Variants in IKBIP observed in about 807,000 individuals in gnomAD.
IKBIP encodes the protein inhibitor of nuclear factor kappa-B kinase-interacting protein.
IKBIP carries 28 observed loss-of-function variants against 31.0 expected under a neutral mutation model. The observed-to-expected ratio is 0.90, with a 90% CI of 0.67 to 1.24. The LOEUF is 1.24. IKBIP is among the 50% of genes most tolerant of loss of function. IKBIP has a pLI of 0.00. For missense variants in IKBIP, 453 were observed against 441.9 expected (o/e 1.03, Z -0.23); for synonymous variants, 164 against 160.3 (o/e 1.02, Z -0.17).
chr12:98,639,269 T>A (rs2097628447), intron 1 of IKBIP, among the ~76,000 whole-genome samples: 1 of 152,224 alleles, frequency 6.6e-6, no homozygotes, highest in Non-Finnish European at 1.5e-5. Context: ...TATGATTGCA[T>A]AAGGGAAGCA....
chr12:98,614,028 C>T, exon 3 of IKBIP: 1 of 1,609,690 alleles, frequency 6.2e-7, no homozygotes, highest in African/African-American at 1.3e-5. Context: ...TCTACTTTCT[C>T]TATTTTATTT....
At chr12:98,617,789 T>C (rs926412465) in intron 2 of IKBIP, among the ~76,000 whole-genome samples, 2 of 152,202 alleles carry the variant, frequency 1.3e-5, no homozygotes, top group African/African-American at 4.8e-5. Flanking sequence ...CAAAGACAGA[T>C]ATACAGTAAT....
At chr12:98,614,030 A>G in exon 3 of IKBIP, 1 of 1,610,030 alleles carries the variant, frequency 6.2e-7, no homozygotes, top group Non-Finnish European at 8.5e-7. Context: ...TACTTTCTCT[A>G]TTTTATTTTC....
chr12:98,614,169 C>A (rs1158957795), exon 3 of IKBIP: 3 of 1,613,770 alleles, frequency 1.9e-6, no homozygotes, highest in African/African-American at 2.7e-5. Context: ...CTTTGGTCTA[C>A]TTTTGTAATG....
At chr12:98,627,929 A>C (rs1459989483) in intron 2 of IKBIP, among the ~76,000 whole-genome samples, 1 of 152,218 alleles carries the variant, frequency 6.6e-6, no homozygotes, top group Non-Finnish European at 1.5e-5. Context: ...AAAACAGTTT[A>C]GTGAGACAAG....
Position 98,624,454 on chromosome 12 carries a change from G to T in IKBIP, c.*1476C>A, listed in dbSNP as rs143550177. 115 of 984,068 alleles carry T rather than the reference G, an allele frequency of 1.2e-4. No individual in the cohort carries two copies. The African/African-American group carries it at 1.8e-3, about 16-fold the overall frequency. 61.0% of individuals were successfully genotyped at this position (984,068 alleles called of 1,614,324 possible). A position where few individuals can be genotyped will look rare whatever the true frequency, so the allele number is the denominator to read the frequency against. On this transcript the variant is annotated 3_prime_UTR_variant, in exon 3 of 3. Transcript: ENST00000299157. ...CACAGGCCCTCCTAACTCCAGTGGA[G>T]AAGGAGTTTGGGGGTTCTCCAAAAA...
intron 1 of IKBIP, 115 bp from the exon 2 acceptor site, chr12:98,634,528 C>T: frequency 4.0e-6 from 2 of 504,894 alleles, no homozygotes; most frequent in East Asian, 3.7e-5. Context: ...GTATGGGTAG[C>T]TGTAGGTTTT....
rs2097613638 is a variant in IKBIP, at chr12:98,625,791, T to C, written c.*139A>G. On this transcript the variant is annotated 3_prime_UTR_variant, in exon 3 of 3. Transcript: ENST00000299157. ...CTTAAAAAGATAAGCTTTGATTATG[T>C]GGATAATCCATTTGTGTGGACATCT... The C allele has an allele frequency of 1.7e-6, 1 of 588,050 alleles. No individual in the cohort carries two copies. Among genetic ancestry groups the C allele is most frequent in the South Asian group, 7.6e-5 (1 of 13,138 alleles). 36.4% of individuals were successfully genotyped at this position (588,050 alleles called of 1,614,324 possible).
intron 2 of IKBIP, among the ~76,000 whole-genome samples, chr12:98,633,414 A>G (rs1436742581): frequency 6.6e-6 from 1 of 151,998 alleles, no homozygotes; most frequent in Admixed American, 6.6e-5. Context: ...AAGGAACACA[A>G]TATAGACATG....
At chr12:98,634,479 G>A in intron 1 of IKBIP, 66 bp from the exon 2 acceptor site, 1 of 704,454 alleles carries the variant, frequency 1.4e-6, no homozygotes, top group Non-Finnish European at 2.5e-6. Flanking sequence ...TTTCAAAGGA[G>A]AATTATACCC....
intron 2 of IKBIP, among the ~76,000 whole-genome samples, chr12:98,615,518 T>C (rs886246216): frequency 6.6e-6 from 1 of 152,166 alleles, no homozygotes; most frequent in Non-Finnish European, 1.5e-5. Flanking sequence ...GCATGAGCCA[T>C]CGCGCCCGGC....
At chr12:98,633,510 CTTT>C (rs71432181) in intron 2 of IKBIP, among the ~76,000 whole-genome samples, 24 of 61,384 alleles carry the variant, frequency 3.9e-4, no homozygotes, top group Admixed American at 5.2e-4. Context: ...TTTTTTAATT[CTTT>C]TTTTTTTTTT....
In IKBIP at chr12:98,626,240, G is replaced by A; in HGVS notation, c.824C>T (p.Thr275Ile). The A allele has an allele frequency of 1.9e-5, 30 of 1,614,108 alleles. No homozygotes were observed. The highest frequency in any genetic ancestry group is 2.5e-5 in the Non-Finnish European group (29 of 1,180,012). Residue 275 changes from threonine to isoleucine, a missense_variant, in exon 3 of 3, where the codon ACA (threonine) becomes ATA (isoleucine). Coordinates refer to ENST00000299157, the MANE Select transcript of IKBIP (RefSeq NM_153687.4). ...AACAGAGTGAATAGCACTTTCAATT[G>A]TTGGCAAATGTGTCTTGCATTCTTC... ...KVEECKTHLP[T>I]IESAIHSVLR...
At chr12:98,640,975 C>T (rs2097629873) in intron 1 of IKBIP, among the ~76,000 whole-genome samples, 1 of 152,168 alleles carries the variant, frequency 6.6e-6, no homozygotes, top group Non-Finnish European at 1.5e-5. Context: ...GTTGCCCAGG[C>T]TGGTCTTGAA....
chr12:98,635,608 T>G (rs1453801440), intron 1 of IKBIP, among the ~76,000 whole-genome samples: 2 of 152,246 alleles, frequency 1.3e-5, no homozygotes, highest in Non-Finnish European at 2.9e-5. Context: ...TCTACTGTTT[T>G]TCACAAGGCC....
intron 2 of IKBIP, among the ~76,000 whole-genome samples, chr12:98,617,158 A>G (rs1468584328): frequency 6.6e-6 from 1 of 152,268 alleles, no homozygotes; most frequent in Non-Finnish European, 1.5e-5. Context: ...TATGTGGAAC[A>G]TAAAGATGAG....
chr12:98,642,891 C>T (rs559397673), intron 1 of IKBIP, among the ~76,000 whole-genome samples: 7 of 151,676 alleles, frequency 4.6e-5, no homozygotes, highest in South Asian at 2.1e-4. Flanking sequence ...GAGCCACTGC[C>T]GGCAGGCTGA....
At chr12:98,617,473 C>T (rs1223242107) in intron 2 of IKBIP, among the ~76,000 whole-genome samples, 1 of 152,142 alleles carries the variant, frequency 6.6e-6, no homozygotes, top group Non-Finnish European at 1.5e-5. Context: ...CACACATGTG[C>T]GTGCCTATAT....
At chr12:98,618,198 A>T (rs1471976379) in intron 2 of IKBIP, among the ~76,000 whole-genome samples, 1 of 152,198 alleles carries the variant, frequency 6.6e-6, no homozygotes, top group Non-Finnish European at 1.5e-5. Context: ...AAAAATTGAA[A>T]TTAAAATTTA....
Sources: allele counts gnomAD v4.1 joint callset (sites outside exome capture counted in the v4.1 genomes callset), GRCh38; gene constraint gnomAD v4.1.1; transcripts MANE v1.5; gene names NCBI Gene and HGNC (gene_info 2026-07-23, HGNC 2026-07-21).